The following CD8B2 variants were observed in gnomAD, a reference collection of about 807,000 sequenced individuals.
The protein encoded by CD8B2 is CD8B family member 2, also known as T-cell surface glycoprotein CD8 beta-2 chain.
Under a neutral mutation model 23.7 loss-of-function variants are expected in CD8B2, and 11 were observed. The ratio of observed to expected loss-of-function variants is 0.46; its 90% CI spans 0.29 to 0.77. CD8B2 has a LOEUF of 0.77. CD8B2 is among the 30% of genes least tolerant of loss of function. The pLI is 0.09. For missense variants in CD8B2, 197 were observed against 270.5 expected (o/e 0.73, Z 1.91); for synonymous variants, 90 against 109.3 (o/e 0.82, Z 1.10).
chr2:106,536,030 CTTTTTTT>C (rs869103310), intron 5 of CD8B2, among the ~76,000 whole-genome samples: 1 of 123,896 alleles, frequency 8.1e-6, no homozygotes, highest in African/African-American at 2.9e-5. Flanking sequence ...GCCACACACA[CTTTTTTT>C]TTTTTTTTTT....
chr2:106,511,502 G>C (rs1679630477), downstream of CD8B2, among the ~76,000 whole-genome samples: 1 of 148,112 alleles, frequency 6.8e-6, no homozygotes, highest in Non-Finnish European at 1.5e-5. Flanking sequence ...GCCCACCCCG[G>C]CCTGTTCAAA....
intron 3 of CD8B2, among the ~76,000 whole-genome samples, chr2:106,497,181 G>T (rs1679315165): frequency 2.0e-5 from 3 of 152,184 alleles, no homozygotes; most frequent in Admixed American, 6.6e-5. Context: ...GGAGGCTGAG[G>T]TGGATGCCTT....
intron 2 of CD8B2, among the ~76,000 whole-genome samples, chr2:106,493,857 C>T (rs1273121403): frequency 6.6e-6 from 1 of 152,184 alleles, no homozygotes; most frequent in African/African-American, 2.4e-5. Context: ...CCTAGGCTTC[C>T]TCCTGGATAA....
intron 3 of CD8B2, among the ~76,000 whole-genome samples, chr2:106,500,521 AAAATAAATAAAT>A (rs61641919): frequency 1.4e-4 from 20 of 143,404 alleles, no homozygotes; most frequent in South Asian, 2.2e-4. Context: ...CTCCGTCTCA[AAAATAAATAAAT>A]AAATAAATAA....
At chr2:106,495,683 G>T (rs1679285862) in intron 2 of CD8B2, among the ~76,000 whole-genome samples, 3 of 152,170 alleles carry the variant, frequency 2.0e-5, no homozygotes, top group Admixed American at 2.0e-4. Flanking sequence ...CAACATCTGA[G>T]AATTCAGAAA....
intron 5 of CD8B2, among the ~76,000 whole-genome samples, chr2:106,520,543 T>C (rs10202424): frequency 2.3e-4 from 35 of 152,304 alleles, no homozygotes; most frequent in African/African-American, 8.2e-4. Flanking sequence ...CCGAGGTTTG[T>C]TGCCTCATGC....
intron 5 of CD8B2, among the ~76,000 whole-genome samples, chr2:106,526,719 C>T (rs891178896): frequency 5.3e-5 from 8 of 151,602 alleles, no homozygotes; most frequent in African/African-American, 1.5e-4. Flanking sequence ...GGTGTGATCT[C>T]GGCTCACTGC....
intron 5 of CD8B2, among the ~76,000 whole-genome samples, chr2:106,524,743 C>T (rs1195415338): frequency 6.6e-6 from 1 of 152,178 alleles, no homozygotes; most frequent in Non-Finnish European, 1.5e-5. Context: ...AGTGGAATTT[C>T]CGGCTGCTGC....
At chr2:106,516,209 T>A (rs1259017163) in intron 5 of CD8B2, among the ~76,000 whole-genome samples, 2 of 152,182 alleles carry the variant, frequency 1.3e-5, no homozygotes, top group African/African-American at 4.8e-5. Context: ...ATCTCACTTC[T>A]GTCTGTGCAT....
intron 5 of CD8B2, among the ~76,000 whole-genome samples, chr2:106,519,365 A>G (rs1285718035): frequency 6.6e-6 from 1 of 152,192 alleles, no homozygotes; most frequent in Admixed American, 6.5e-5. Context: ...GTCTCCAGGG[A>G]AGAAACACAT....
chr2:106,520,319 G>T (rs1679804844), intron 5 of CD8B2, among the ~76,000 whole-genome samples: 1 of 152,190 alleles, frequency 6.6e-6, no homozygotes, highest in South Asian at 2.1e-4. Context: ...ATGACAGAAG[G>T]TGCTGTGAAC....
At chr2:106,519,027 C>CTCT (rs2104567401) in intron 5 of CD8B2, among the ~76,000 whole-genome samples, 1 of 151,730 alleles carries the variant, frequency 6.6e-6, no homozygotes, top group African/African-American at 2.4e-5. Context: ...TTCCATCAAT[C>CTCT]CCTCCATCCA....
chr2:106,511,573 C>T (rs921631006), downstream of CD8B2, among the ~76,000 whole-genome samples: 1 of 151,984 alleles, frequency 6.6e-6, no homozygotes, highest in Non-Finnish European at 1.5e-5. Flanking sequence ...TCACCCCCGC[C>T]CCGCAGCTTG....
chr2:106,533,754 A>C (rs2104574627), intron 5 of CD8B2, among the ~76,000 whole-genome samples: 1 of 152,346 alleles, frequency 6.6e-6, no homozygotes, highest in South Asian at 2.1e-4. Flanking sequence ...AGCCCAGGTA[A>C]GTCCTACCCT....
intron 5 of CD8B2, chr2:106,542,886 A>G (rs1046613861): frequency 5.3e-5 from 8 of 151,884 alleles, no homozygotes; most frequent in African/African-American, 1.9e-4. Flanking sequence ...TGCCCCTAAC[A>G]TTTCCGTACG....
In CD8B2 at chr2:106,508,228, C is replaced by T. The variant is rs558105785; in HGVS notation, c.*1288C>T. The T allele has an allele frequency of 1.3e-5, 2 of 152,210 alleles. No homozygotes were observed. The highest frequency in any genetic ancestry group is 3.9e-4 in the East Asian group (2 of 5,172). 9.4% of individuals were successfully genotyped at this position (152,210 alleles called of 1,614,324 possible). On this transcript the variant is annotated 3_prime_UTR_variant, in exon 6 of 6. Transcript: ENST00000643224. The stretch of plus-strand genomic sequence containing the variant: ...ATTAACAGAAGCACCACGTCCAGGT[C>T]CAGGGAGAATCCAGCCTCACCTGCT...
chr2:106,520,659 A>C (rs1447476642), intron 5 of CD8B2, among the ~76,000 whole-genome samples: 2 of 152,148 alleles, frequency 1.3e-5, no homozygotes, highest in Non-Finnish European at 2.9e-5. Flanking sequence ...TGGGAGGCCG[A>C]GGTGGGCGGA....
chr2:106,522,659 CCA>C (rs1679845136), intron 5 of CD8B2, among the ~76,000 whole-genome samples: 3 of 152,112 alleles, frequency 2.0e-5, no homozygotes, highest in Admixed American at 6.5e-5. Flanking sequence ...CTCAAGTCTC[CCA>C]TGTCTTTACT....
intron 5 of CD8B2, chr2:106,543,196 A>C (rs1000245833): frequency 2.0e-5 from 3 of 152,146 alleles, no homozygotes; most frequent in African/African-American, 7.2e-5. Flanking sequence ...CTGCAGCTAC[A>C]AAGTCCTGCA....
Sources: gnomAD v4.1 joint callset for allele counts (sites outside exome capture counted in the v4.1 genomes callset) on GRCh38, gnomAD v4.1.1 for gene constraint, MANE v1.5 for transcripts, NCBI Gene and HGNC (gene_info 2026-07-23, HGNC 2026-07-21) for gene names.